CASK: variants seen among roughly 807,000 people sequenced by gnomAD.
The protein encoded by CASK is calcium/calmodulin dependent serine protein kinase, also known as peripheral plasma membrane protein CASK.
Under a neutral mutation model 82.9 loss-of-function variants are expected in CASK, and 4 were observed. The ratio of observed to expected loss-of-function variants is 0.05; its 90% CI spans 0.02 to 0.11. The LOEUF is 0.11. CASK is among the 10% of genes least tolerant of loss of function. The pLI is 1.00. For synonymous variants in CASK, 259 were observed against 253.5 expected, an observed-to-expected ratio of 1.02 and a Z score of -0.20; for missense variants, 358 against 720.9, an observed-to-expected ratio of 0.50 and a Z score of 5.76.
At chrX:41,861,777 T>C (rs1225325157) in intron 1 of CASK, among the ~76,000 whole-genome samples, 1 of 103,089 alleles carries the variant, frequency 9.7e-6, no homozygotes. Flanking sequence ...ATATAATGTA[T>C]ATATATTACA....
intron 1 of CASK, among the ~76,000 whole-genome samples, chrX:41,872,820 C>G (rs1166996248): frequency 1.8e-5 from 2 of 110,738 alleles, no homozygotes; most frequent in African/African-American, 6.6e-5. Flanking sequence ...TTCAGCTCCT[C>G]TTGGCTGTGA....
At chrX:41,687,118 T>C (rs1194796174) in intron 5 of CASK, among the ~76,000 whole-genome samples, 4 of 111,975 alleles carry the variant, frequency 3.6e-5, no homozygotes, top group Non-Finnish European at 7.5e-5. Flanking sequence ...TTGAAAAGGG[T>C]TGTCTTAGGT....
At chrX:41,791,281 G>C (rs1464739591) in intron 2 of CASK, among the ~76,000 whole-genome samples, 3 of 110,424 alleles carry the variant, frequency 2.7e-5, no homozygotes. Flanking sequence ...TACCCAATGT[G>C]TAGTCTTTAT....
At chrX:41,580,642 T>C (rs1367639500) in intron 14 of CASK, among the ~76,000 whole-genome samples, 4 of 112,034 alleles carry the variant, frequency 3.6e-5, no homozygotes, top group South Asian at 3.6e-4. Flanking sequence ...CTGTAAATGA[T>C]TGCTACCACA....
chrX:41,887,553 A>T (rs1406538128), intron 1 of CASK, among the ~76,000 whole-genome samples: 2 of 111,609 alleles, frequency 1.8e-5, no homozygotes, highest in Non-Finnish European at 3.8e-5. Flanking sequence ...GCAGTAAGCA[A>T]CACAGTGTGC....
At chrX:41,697,965 C>T (rs1256122385) in intron 5 of CASK, 1 of 110,352 alleles carries the variant, frequency 9.1e-6, no homozygotes, top group Non-Finnish European at 1.9e-5. Flanking sequence ...CCACGCCCGG[C>T]TACTTTTTGG....
At chrX:41,765,340 T>C (rs1440147114) in intron 3 of CASK, among the ~76,000 whole-genome samples, 2 of 112,402 alleles carry the variant, frequency 1.8e-5, no homozygotes, top group East Asian at 5.5e-4. Context: ...CAATTTAAAA[T>C]TGAAGCCTAC....
At chrX:41,696,537 A>G (rs922406064) in intron 5 of CASK, 2 of 1,207,111 alleles carry the variant, frequency 1.7e-6, no homozygotes, top group African/African-American at 3.5e-5. Flanking sequence ...TTGCTACTGG[A>G]AAGAAATTGT....
intron 2 of CASK, among the ~76,000 whole-genome samples, chrX:41,841,804 G>T (rs770470254): frequency 4.6e-4 from 51 of 111,913 alleles, no homozygotes; most frequent in Non-Finnish European, 9.0e-4. Context: ...TTATGGGCAT[G>T]AGCCACCACG....
intron 3 of CASK, among the ~76,000 whole-genome samples, chrX:41,782,972 C>T (rs1418907446): frequency 9.0e-6 from 1 of 110,681 alleles, no homozygotes; most frequent in African/African-American, 3.3e-5. Flanking sequence ...TGATGAAACA[C>T]CGTCTCTTCA....
chrX:41,730,334 G>T (rs1381228307), intron 5 of CASK, among the ~76,000 whole-genome samples: 1 of 110,721 alleles, frequency 9.0e-6, no homozygotes, highest in Non-Finnish European at 1.9e-5. Context: ...ATCACCAGAG[G>T]TTATTCCGGG....
chrX:41,647,935 T>G (rs745716554), intron 8 of CASK, among the ~76,000 whole-genome samples: 1 of 111,830 alleles, frequency 8.9e-6, no homozygotes, highest in East Asian at 2.8e-4. Context: ...ACAGCATGTG[T>G]GTTTGAGCAA....
chrX:41,577,809 T>A (rs1359215975), intron 15 of CASK, among the ~76,000 whole-genome samples: 1 of 111,579 alleles, frequency 9.0e-6, no homozygotes, highest in Non-Finnish European at 1.9e-5. Flanking sequence ...CCAGCTCTAC[T>A]CCCAAGCACT....
intron 12 of CASK, among the ~76,000 whole-genome samples, chrX:41,598,846 C>A (rs761808216): frequency 4.1e-4 from 46 of 111,726 alleles, no homozygotes; most frequent in Non-Finnish European, 5.5e-4. Context: ...TACAAAATTG[C>A]TAAAAATCAA....
At chrX:41,536,299 G>C (rs962198554) in intron 22 of CASK, among the ~76,000 whole-genome samples, 1 of 110,528 alleles carries the variant, frequency 9.0e-6, no homozygotes, top group East Asian at 2.8e-4. Flanking sequence ...GTTGAGATGG[G>C]GTTTCACCAT....
chrX:41,556,738 C>A (rs190503248), intron 19 of CASK, among the ~76,000 whole-genome samples: 137 of 112,264 alleles, frequency 1.2e-3, no homozygotes, highest in African/African-American at 4.1e-3. Context: ...CGTTTACATC[C>A]TTTGCATAGG....
intron 1 of CASK, among the ~76,000 whole-genome samples, chrX:41,922,070 T>C (rs1295317802): frequency 9.0e-6 from 1 of 111,209 alleles, no homozygotes; most frequent in Non-Finnish European, 1.9e-5. Context: ...GGAGTACTGT[T>C]TGACAAGAAT....
chrX:41,885,464 C>A (rs189352157), intron 1 of CASK, among the ~76,000 whole-genome samples: 1 of 111,770 alleles, frequency 8.9e-6, no homozygotes, highest in African/African-American at 3.2e-5. Context: ...TCACAAAAAA[C>A]CTGTTTTTTT....
intron 2 of CASK, among the ~76,000 whole-genome samples, chrX:41,819,651 A>G (rs2070488002): frequency 9.0e-6 from 1 of 111,658 alleles, no homozygotes; most frequent in Non-Finnish European, 1.9e-5. Flanking sequence ...AGAAAACTAG[A>G]AAGCAATAAC....
Sources: allele counts gnomAD v4.1 joint callset (sites outside exome capture counted in the v4.1 genomes callset), GRCh38; gene constraint gnomAD v4.1.1; transcripts MANE v1.5; gene names NCBI Gene and HGNC (gene_info 2026-07-23, HGNC 2026-07-21).